The following IKZF2 variants were observed in gnomAD, a reference collection of about 807,000 sequenced individuals.
The protein encoded by IKZF2 is zinc finger protein Helios.
In IKZF2, 15 loss-of-function variants were observed where a neutral mutation model predicts 49.2. The ratio of observed to expected loss-of-function variants is 0.30; its 90% confidence interval spans 0.20 to 0.47. IKZF2 has a LOEUF of 0.47. Among genes scored for constraint, IKZF2 ranks in the 20% least tolerant of loss-of-function variants. The pLI, the probability that IKZF2 is intolerant of heterozygous loss-of-function variation, is 1.00. For synonymous variants in IKZF2, 227 were observed against 221.4 expected, an observed-to-expected ratio of 1.03 and a Z score of -0.23; for missense variants, 567 against 664.6, an observed-to-expected ratio of 0.85 and a Z score of 1.61.
chr2:213,036,843 G>A (rs1699082659), intron 6 of IKZF2, among the ~76,000 whole-genome samples: 1 of 152,090 alleles, frequency 6.6e-6, no homozygotes, highest in Non-Finnish European at 1.5e-5. Flanking sequence ...TATAGGCTGT[G>A]GATGAACAGG....
At chr2:213,058,134 G>A (rs925525895) in intron 4 of IKZF2, among the ~76,000 whole-genome samples, 2 of 152,046 alleles carry the variant, frequency 1.3e-5, no homozygotes, top group African/African-American at 2.4e-5. Context: ...TTTCATTGCC[G>A]TTGTTTTCTT....
At chr2:213,151,835 G>T (rs1156805100), upstream of IKZF2, among the ~76,000 whole-genome samples, 3 of 149,348 alleles carry the variant, frequency 2.0e-5, no homozygotes, top group African/African-American at 4.9e-5. Context: ...GCGCCTGTGC[G>T]TGTGTGTATG....
At chr2:213,067,407 TA>T (rs1702263196) in intron 4 of IKZF2, among the ~76,000 whole-genome samples, 1 of 151,914 alleles carries the variant, frequency 6.6e-6, no homozygotes, top group African/African-American at 2.4e-5. Context: ...GCACTCAAGA[TA>T]GGGGCAAGCA....
At chr2:213,041,524 G>T (rs559243282) in intron 6 of IKZF2, among the ~76,000 whole-genome samples, 24 of 152,074 alleles carry the variant, frequency 1.6e-4, no homozygotes, top group Non-Finnish European at 2.5e-4. Flanking sequence ...GAATGGTCTC[G>T]ATCTCCTGAC....
intron 2 of IKZF2, among the ~76,000 whole-genome samples, chr2:213,149,574 T>C (rs1199242778): frequency 1.3e-5 from 2 of 152,142 alleles, no homozygotes; most frequent in Non-Finnish European, 2.9e-5. Context: ...CCTTGGTCCT[T>C]TTTGCCTTTA....
At chr2:213,046,784 T>C (rs1700191302) in intron 6 of IKZF2, among the ~76,000 whole-genome samples, 2 of 152,162 alleles carry the variant, frequency 1.3e-5, no homozygotes, top group African/African-American at 4.8e-5. Context: ...TTCACTGTAG[T>C]GAAGGCTGTT....
chr2:213,136,421 A>C (rs1421626323), intron 4 of IKZF2, among the ~76,000 whole-genome samples: 2 of 149,762 alleles, frequency 1.3e-5, no homozygotes, highest in Non-Finnish European at 3.0e-5. Context: ...AAAAAGAAAG[A>C]ATAAAAGAAA....
chr2:213,073,129 T>C (rs1300361036), intron 4 of IKZF2, among the ~76,000 whole-genome samples: 1 of 152,168 alleles, frequency 6.6e-6, no homozygotes, highest in Non-Finnish European at 1.5e-5. Flanking sequence ...CATAAGTCCA[T>C]ATTCTTTGTG....
At position 213,007,156 on chromosome 2, in the gene IKZF2, C is replaced by T. The variant is rs1238948656; in HGVS notation, c.*204G>A. 22 of 521,566 alleles carry T rather than the reference C, an allele frequency of 4.2e-5. No homozygotes were observed. The highest frequency in any genetic ancestry group is 3.4e-4 in the South Asian group (9 of 26,806). 32.3% of individuals were successfully genotyped at this position (521,566 alleles called of 1,614,324 possible). On this transcript the variant is annotated 3_prime_UTR_variant, in exon 9 of 9. Transcript: ENST00000434687. ...CCAGGTGATAAAGAAACAATATTCC[C>T]GCCCCTTCTCTCTTCTGTTTCTTCC...
chr2:213,146,793 C>T lies in IKZF2; in HGVS notation c.139+915G>A, dbSNP rs192688531. Among the ~76,000 whole-genome samples the T allele has an allele frequency of 2.9e-4, 41 of 141,606 alleles. 1 individual carries two copies. In the East Asian group the frequency reaches 3.7e-3, roughly 13 times the overall value. The allele number at this position is 141,606 out of a possible 152,430, so 92.9% of individuals were successfully genotyped here. A position where few individuals can be genotyped will look rare whatever the true frequency, so the allele number is the denominator to read the frequency against. ...GGAAGGAAAGAGAATGCCTTTCCTT[C>T]ACATATTGCCAAAACAGAAAACTTG... On this transcript the variant is annotated intron_variant, in intron 4 of 8. Transcript: ENST00000434687.
chr2:213,038,110 G>A (rs571387670), intron 6 of IKZF2, among the ~76,000 whole-genome samples: 7 of 151,548 alleles, frequency 4.6e-5, no homozygotes, highest in Non-Finnish European at 1.0e-4. Context: ...ACCCAGGCTG[G>A]AGTGCAGTGG....
At chr2:213,089,915 A>C (rs895026264) in intron 4 of IKZF2, among the ~76,000 whole-genome samples, 1 of 152,204 alleles carries the variant, frequency 6.6e-6, no homozygotes, top group Non-Finnish European at 1.5e-5. Flanking sequence ...TATGACCAGA[A>C]ATTGATCAAG....
chr2:213,103,590 G>A (rs10932463), intron 4 of IKZF2, among the ~76,000 whole-genome samples: 99,951 of 151,860 alleles, frequency 0.66, 36,496 homozygotes, highest in Non-Finnish European at 0.81. Context: ...TTATTTCTAC[G>A]TTAATTCTCT....
At chr2:213,079,782 A>G (rs1200330973) in intron 4 of IKZF2, among the ~76,000 whole-genome samples, 3 of 152,106 alleles carry the variant, frequency 2.0e-5, no homozygotes, top group African/African-American at 7.2e-5. Context: ...TTTTTCCCAA[A>G]GTGCTACCCA....
intron 4 of IKZF2, among the ~76,000 whole-genome samples, chr2:213,106,642 TAA>T (rs56160319): frequency 4.7e-5 from 6 of 126,612 alleles, no homozygotes; most frequent in African/African-American, 6.3e-5. Flanking sequence ...AAACCCTGTC[TAA>T]AAAAAAAAAA....
At chr2:213,091,677 T>C (rs1705346395) in intron 4 of IKZF2, among the ~76,000 whole-genome samples, 1 of 152,170 alleles carries the variant, frequency 6.6e-6, no homozygotes, top group Non-Finnish European at 1.5e-5. Flanking sequence ...AGATCAAGGC[T>C]GGATTTATGA....
At position 213,008,023 on chromosome 2, in the gene IKZF2, C is replaced by G. The variant is rs1296937784; in HGVS notation, c.918G>C (p.Glu306Asp). 3 of 1,612,606 alleles carry G rather than the reference C, an allele frequency of 1.9e-6. No individual in the cohort carries two copies. Among genetic ancestry groups the G allele is most frequent in the Middle Eastern group, 1.6e-4 (1 of 6,072 alleles). Residue 306 changes from glutamate to aspartate, a missense_variant, in exon 9 of 9, where the codon GAG becomes GAC. Around this residue, in one of 5 missense-constraint regions of IKZF2, gnomAD observed 310 missense variants for 326.9 expected, o/e 0.95. Transcript: ENST00000434687. The part of the protein sequence containing the change: ...DIHFDMNLTY[E>D]KEAELMQSHM... ...GAGACTGCATCAGCTCAGCCTCCTTCTCATATGTTAAGTTCATATCAAAGT... is the reference window on the plus strand; with the variant it reads ...GAGACTGCATCAGCTCAGCCTCCTTGTCATATGTTAAGTTCATATCAAAGT...
intron 4 of IKZF2, among the ~76,000 whole-genome samples, chr2:213,095,531 C>A (rs1222147776): frequency 6.6e-6 from 1 of 151,948 alleles, no homozygotes. Flanking sequence ...TATCTAGACA[C>A]TGAAAAGAGT....
At chr2:213,040,554 C>T (rs973404505) in intron 6 of IKZF2, among the ~76,000 whole-genome samples, 2 of 151,974 alleles carry the variant, frequency 1.3e-5, no homozygotes, top group Admixed American at 1.3e-4. Context: ...TTAGAAAAAA[C>T]ATGTAATTCT....
Sources: gnomAD v4.1 joint callset for allele counts (sites outside exome capture counted in the v4.1 genomes callset) on GRCh38, gnomAD v4.1.1 for gene constraint, gnomAD v4.1.1 regional missense constraint, MANE v1.5 for transcripts, NCBI Gene and HGNC (gene_info 2026-07-23, HGNC 2026-07-21) for gene names.